TCF12: variants seen among roughly 807,000 people sequenced by gnomAD.
TCF12 encodes the protein DNA-binding protein HTF4.
Under a neutral mutation model 86.0 loss-of-function variants are expected in TCF12, and 45 were observed. The ratio of observed to expected loss-of-function variants is 0.52; its 90% CI spans 0.41 to 0.67. TCF12 has a LOEUF of 0.67. Ranked by LOEUF, TCF12 falls within the 30% of genes least tolerant of loss-of-function variation. The pLI, the probability that TCF12 is intolerant of heterozygous loss-of-function variation, is 0.00. For synonymous variants in TCF12, 330 were observed against 299.6 expected (o/e 1.10, Z -1.05); for missense variants, 881 against 859.9 (o/e 1.02, Z -0.31).
At chr15:57,272,220 G>A (rs2061175550) in intron 18 of TCF12, among the ~76,000 whole-genome samples, 2 of 152,086 alleles carry the variant, frequency 1.3e-5, no homozygotes, top group Admixed American at 6.6e-5. Context: ...AAATAATTCT[G>A]TGATCATCTC....
intron 5 of TCF12, among the ~76,000 whole-genome samples, chr15:57,135,229 T>A (rs1192180005): frequency 6.6e-6 from 1 of 152,212 alleles, no homozygotes; most frequent in Non-Finnish European, 1.5e-5. Context: ...ATGGATTTAC[T>A]TTACATAAAA....
chr15:57,262,179 T>A lies in TCF12; in HGVS notation c.1553T>A (p.Leu518Gln). Residue 518 changes from leucine to glutamine, a missense_variant, in exon 17 of 21, where the codon CTG becomes CAG. Physicochemically the swap from Leu to Gln is moderately radical, Grantham distance 113. This residue lies in a region of TCF12 where 766 missense variants were observed against 718.9 expected (regional missense o/e 1.07). Transcript: ENST00000333725. ...SSTVTTSSTD[L>Q]NHKTQENYRG... ...ACAGTCACTACTTCAAGCACAGACC[T>A]GAACCATAAAACACAAGAAAATTAT... 6.2e-7 allele frequency: 1 copy of A among 1,613,022 alleles called. No homozygotes were observed.
rs942427108 is a variant in TCF12 at position 57,241,993 on chromosome 15, G to A, written c.1036-1479G>A. Among the ~76,000 whole-genome samples, 4 of 150,960 alleles carry A rather than the reference G, an allele frequency of 2.6e-5. No homozygotes were observed. In the East Asian group the frequency reaches 7.8e-4, roughly 29 times the overall value. On this transcript the variant is annotated intron_variant, in intron 12 of 20. Coordinates refer to ENST00000333725, the MANE Select transcript of TCF12 (RefSeq NM_207037.2). ...GGTAACAGAGTAAGACTCCATCTCA[G>A]GGAAAAAAAAAATGAAATTCGTAAA...
chr15:56,964,944 G>A (rs1567175214), intron 3 of TCF12, among the ~76,000 whole-genome samples: 1 of 152,060 alleles, frequency 6.6e-6, no homozygotes, highest in East Asian at 1.9e-4. Context: ...TTAATGTTTG[G>A]TCCCAGAGCC....
intron 5 of TCF12, among the ~76,000 whole-genome samples, chr15:57,151,093 T>G (rs1244952106): frequency 6.6e-6 from 1 of 151,644 alleles, no homozygotes; most frequent in Non-Finnish European, 1.5e-5. Context: ...TCCTCCTGCT[T>G]CACCCTCCCA....
chr15:56,966,297 G>A (rs1034357089), intron 3 of TCF12, among the ~76,000 whole-genome samples: 4 of 152,046 alleles, frequency 2.6e-5, no homozygotes, highest in African/African-American at 9.7e-5. Context: ...TGGCAAAAAA[G>A]CTAGGTTTTG....
intron 13 of TCF12, among the ~76,000 whole-genome samples, chr15:57,246,573 C>CT (rs1204321257): frequency 2.2e-4 from 32 of 147,168 alleles, no homozygotes; most frequent in African/African-American, 5.2e-4. Context: ...GACCGTCTCT[C>CT]TTTTTTTTTT....
chr15:57,202,112 A>G (rs1194218055), intron 8 of TCF12, among the ~76,000 whole-genome samples: 1 of 152,296 alleles, frequency 6.6e-6, no homozygotes, highest in African/African-American at 2.4e-5. Flanking sequence ...TATAACTAAT[A>G]TTCCCTACTT....
At chr15:57,151,110 T>A (rs891546306) in intron 5 of TCF12, among the ~76,000 whole-genome samples, 1 of 151,272 alleles carries the variant, frequency 6.6e-6, no homozygotes, top group Non-Finnish European at 1.5e-5. Flanking sequence ...CCCAAGTAGC[T>A]AGGACTGCAA....
intron 3 of TCF12, among the ~76,000 whole-genome samples, chr15:56,984,420 T>C (rs1325066339): frequency 6.6e-6 from 1 of 152,050 alleles, no homozygotes; most frequent in Non-Finnish European, 1.5e-5. Context: ...AATAAGACCT[T>C]AATTGCACTT....
chr15:57,014,197 G>A (rs2065010880), intron 3 of TCF12, among the ~76,000 whole-genome samples: 1 of 152,180 alleles, frequency 6.6e-6, no homozygotes, highest in African/African-American at 2.4e-5. Flanking sequence ...TGATGTACCA[G>A]TCTGATAAGC....
intron 2 of TCF12, 64 bp from the exon 3 acceptor site, chr15:56,920,962 C>A: frequency 1.5e-6 from 2 of 1,350,210 alleles, no homozygotes; most frequent in Non-Finnish European, 2.0e-6. Context: ...TTTTGGTGGA[C>A]TTTTGTTTGC....
intron 3 of TCF12, among the ~76,000 whole-genome samples, chr15:56,924,382 G>A (rs2059915646): frequency 6.6e-6 from 1 of 152,158 alleles, no homozygotes; most frequent in Non-Finnish European, 1.5e-5. Flanking sequence ...TTCTTTCTCT[G>A]TTAAACGTGG....
At chr15:56,975,247 T>C (rs996304715) in intron 3 of TCF12, among the ~76,000 whole-genome samples, 2 of 152,178 alleles carry the variant, frequency 1.3e-5, no homozygotes, top group African/African-American at 4.8e-5. Flanking sequence ...AATAAGGGTA[T>C]GGTAACAGGT....
intron 7 of TCF12, among the ~76,000 whole-genome samples, chr15:57,192,678 G>A (rs949181252): frequency 5.3e-5 from 8 of 152,138 alleles, no homozygotes; most frequent in Non-Finnish European, 1.2e-4. Flanking sequence ...GTGAACCACC[G>A]TGCCCAGCCC....
intron 6 of TCF12, among the ~76,000 whole-genome samples, chr15:57,168,752 C>CT (rs1393738754): frequency 6.6e-6 from 1 of 152,012 alleles, no homozygotes. Context: ...ATTTGAAAAA[C>CT]TAAGTTGTGG....
At chr15:57,093,278 G>T (rs2049110593) in intron 5 of TCF12, among the ~76,000 whole-genome samples, 1 of 152,048 alleles carries the variant, frequency 6.6e-6, no homozygotes, top group African/African-American at 2.4e-5. Flanking sequence ...AAGTAAAATC[G>T]ATATAACACT....
intron 3 of TCF12, among the ~76,000 whole-genome samples, chr15:56,936,713 C>G (rs975026987): frequency 2.6e-5 from 4 of 152,150 alleles, no homozygotes; most frequent in Non-Finnish European, 4.4e-5. Flanking sequence ...CCAATTATCC[C>G]AGCACCATTT....
In TCF12 at chr15:57,255,510, G is replaced by A. The variant is rs2060306350; in HGVS notation, c.1467+2042G>A. On this transcript the variant is annotated intron_variant, in intron 16 of 20. Transcript: ENST00000333725. Reference sequence around the variant, plus strand: ...GTTTTGTTTTGCTTTTAGAGATGGAGTCTCACTCTGTGGCCCAGGCTGGAG... The same window carrying A: ...GTTTTGTTTTGCTTTTAGAGATGGAATCTCACTCTGTGGCCCAGGCTGGAG... Among the ~76,000 whole-genome samples, 4 of 152,236 alleles carry A rather than the reference G, an allele frequency of 2.6e-5. No individual in the cohort carries two copies. The South Asian group carries it at 8.3e-4, about 32-fold the overall frequency.
Sources: gnomAD v4.1 joint callset for allele counts (sites outside exome capture counted in the v4.1 genomes callset) on GRCh38, gnomAD v4.1.1 for gene constraint, gnomAD v4.1.1 regional missense constraint, MANE v1.5 for transcripts, NCBI Gene and HGNC (gene_info 2026-07-23, HGNC 2026-07-21) for gene names.